Variants in TEP1 observed in about 807,000 individuals in gnomAD.
TEP1 encodes telomerase protein component 1.
TEP1 carries 241 observed loss-of-function variants against 306.3 expected under a neutral mutation model. The observed-to-expected ratio is 0.79, with a 90% confidence interval of 0.71 to 0.88. The LOEUF (loss-of-function observed/expected upper bound fraction) is 0.88, where lower values mean the gene tolerates loss of function less well. Among genes scored for constraint, TEP1 ranks in the 40% least tolerant of loss-of-function variants. TEP1 has a pLI of 0.00. For missense variants in TEP1, 3,051 were observed against 3,276.1 expected, an observed-to-expected ratio of 0.93 and a Z score of 1.68; for synonymous variants, 1,289 against 1,305.5, an observed-to-expected ratio of 0.99 and a Z score of 0.27.
At chr14:20,392,801 A>T (rs540527311) in intron 12 of TEP1, among the ~76,000 whole-genome samples, 10 of 152,370 alleles carry the variant, frequency 6.6e-5, no homozygotes, top group African/African-American at 2.4e-4. Context: ...CTCATTGTAT[A>T]AAAAATGTCC....
Position 20,385,108 on chromosome 14 carries a change from G to A in TEP1, c.2984C>T (p.Ala995Val), listed in dbSNP as rs773778382. ...NLPDHPHFHWAQQYPSGRSVT... is the reference protein window; with the variant it reads ...NLPDHPHFHWVQQYPSGRSVT... ...AGAGCGCCCTGAAGGGTACTGCTGGGCCTGCGGGGAGGACAGAGACAGTGA... is the reference window on the plus strand; with the variant it reads ...AGAGCGCCCTGAAGGGTACTGCTGGACCTGCGGGGAGGACAGAGACAGTGA... Residue 995 changes from alanine (A) to valine (V), a missense_variant and splice_region_variant, in exon 21 of 55, where the codon GCC (alanine) becomes GTC (valine). Physicochemically the swap from Ala to Val is moderately conservative, Grantham distance 64. Transcript: ENST00000262715. 26 of 1,613,896 alleles carry A rather than the reference G, an allele frequency of 1.6e-5. No individual in the cohort carries two copies. Among genetic ancestry groups the A allele is most frequent in the Non-Finnish European group, 2.1e-5 (25 of 1,179,932 alleles).
In TEP1 at chr14:20,386,452, C is replaced by A. The variant is rs1468314368; in HGVS notation, c.2856G>T (p.Arg952Ser). 1 of 1,602,336 alleles carries A rather than the reference C, an allele frequency of 6.2e-7. No individual in the cohort carries two copies. Among genetic ancestry groups the A allele is most frequent in the East Asian group, 2.2e-5 (1 of 44,630 alleles). The change falls in exon 19 of 55, where the codon AGG becomes AGT. Residue 952 changes from arginine to serine, a missense_variant. By Grantham distance (110) the Arg-to-Ser change is moderately radical (BLOSUM62 -1). This residue lies in a region of TEP1 where 1,507 missense variants were observed against 1,550.5 expected (regional missense o/e 0.97). Coordinates refer to ENST00000262715, the MANE Select transcript of TEP1 (RefSeq NM_007110.5). ...RWGVTEEETRRNRQLEVCLGE... is the reference protein window; with the variant it reads ...RWGVTEEETRSNRQLEVCLGE... Reference sequence around the variant, plus strand: ...CTTCTCTGCAGCCCCCACACCTGTTCCTACGGGTCTCCTCCTCAGTGACGC... The same window carrying A: ...CTTCTCTGCAGCCCCCACACCTGTTACTACGGGTCTCCTCCTCAGTGACGC...
chr14:20,407,223 C>T (rs1238723096), intron 2 of TEP1, among the ~76,000 whole-genome samples: 1 of 152,208 alleles, frequency 6.6e-6, no homozygotes, highest in Non-Finnish European at 1.5e-5. Flanking sequence ...CCTGATAGGG[C>T]TGTTGGAAAA....
At chr14:20,411,303 T>G (rs1236654538) in intron 1 of TEP1, among the ~76,000 whole-genome samples, 1 of 152,200 alleles carries the variant, frequency 6.6e-6, no homozygotes, top group East Asian at 1.9e-4. Context: ...TTTATTTAGC[T>G]TATTAATTGC....
intron 18 of TEP1, among the ~76,000 whole-genome samples, chr14:20,387,654 C>A (rs1877317900): frequency 6.6e-6 from 1 of 152,242 alleles, no homozygotes; most frequent in Non-Finnish European, 1.5e-5. Context: ...TCTGCCTACG[C>A]CCTGGCCATA....
At chr14:20,403,139 C>T (rs1878886951) in intron 7 of TEP1, among the ~76,000 whole-genome samples, 1 of 132,414 alleles carries the variant, frequency 7.6e-6, no homozygotes, top group Admixed American at 8.7e-5. Context: ...CAGCCTGGGC[C>T]ACAGTGCATA....
chr14:20,366,658 T>C lies in TEP1; in HGVS notation c.*1779A>G, dbSNP rs1760910. On this transcript the variant is annotated 3_prime_UTR_variant, in exon 55 of 55. Coordinates refer to ENST00000262715, the MANE Select transcript of TEP1 (RefSeq NM_007110.5). Reference sequence around the variant, plus strand: ...ACCTGGAATCAGGGTACAGTGAGAGTAAAACTCAGTGCCCTTTAACTCCCC... The same window carrying C: ...ACCTGGAATCAGGGTACAGTGAGAGCAAAACTCAGTGCCCTTTAACTCCCC... 151,355 of 152,260 alleles carry C rather than the reference T, an allele frequency of 0.99. 75,232 individuals carry two copies. The highest frequency in any genetic ancestry group is 1 in the East Asian group (5,174 of 5,174). 9.4% of individuals were successfully genotyped at this position (152,260 alleles called of 1,614,324 possible). A position where few individuals can be genotyped will look rare whatever the true frequency, so the allele number is the denominator to read the frequency against.
chr14:20,380,406 C>T lies in TEP1; in HGVS notation c.4832G>A (p.Arg1611Lys), dbSNP rs756196263. 52 of 1,614,010 alleles carry T rather than the reference C, an allele frequency of 3.2e-5. No homozygotes were observed. Among genetic ancestry groups the T allele is most frequent in the Non-Finnish European group, 4.1e-5 (48 of 1,180,040 alleles). ...CTGGCTGAGGATTGAAGCCTGCTGC[C>T]TCAGGAAGGTGCGAAACACTGCAAC... ...ADVAVFRTFL[R>K]QQASILSQYP... Residue 1611 changes from arginine to lysine, a missense_variant, in exon 34 of 55, where the codon AGG becomes AAG. By Grantham distance (26) the Arg-to-Lys change is conservative. Transcript: ENST00000262715.
intron 5 of TEP1, 124 bp from the exon 6 acceptor site, chr14:20,404,008 C>T: frequency 7.8e-7 from 1 of 1,285,810 alleles, no homozygotes; most frequent in South Asian, 1.4e-5. Flanking sequence ...AGCCCTAGCT[C>T]CAAAATCACA....
chr14:20,370,481 GAAT>G (rs1388302150), intron 51 of TEP1, among the ~76,000 whole-genome samples: 9 of 152,188 alleles, frequency 5.9e-5, no homozygotes, highest in African/African-American at 2.2e-4. Context: ...CCTTTGCCCA[GAAT>G]AATGTCTACG....
chr14:20,371,170 T>A (rs1215099480), intron 51 of TEP1, 48 bp downstream of exon 51: 1 of 1,543,234 alleles, frequency 6.5e-7, no homozygotes, highest in Admixed American at 1.7e-5. Context: ...GTAAAAACAC[T>A]GGTCCTAGAC....
chr14:20,377,061 T>C (rs1020404002), intron 41 of TEP1, among the ~76,000 whole-genome samples: 1 of 151,462 alleles, frequency 6.6e-6, no homozygotes. Flanking sequence ...ACTAAAAATA[T>C]AAAATTAGCC....
rs1566458511 is a variant in TEP1, at chr14:20,384,494, C to CA, written c.3235dup (p.Trp1079LeufsTer50). The CA allele has an allele frequency of 3.7e-6, 6 of 1,614,154 alleles. No individual in the cohort carries two copies. The highest frequency in any genetic ancestry group is 4.5e-5 in the East Asian group (2 of 44,882). On this transcript the variant is annotated frameshift_variant, in exon 23 of 55. Coordinates refer to ENST00000262715, the MANE Select transcript of TEP1 (RefSeq NM_007110.5). LOFTEE classifies it high-confidence loss of function. ...GGGCCGGCCAGCTGCCACACCCCCCCACTCACAGGGGTATCTGTGGGCAAA... is the reference window on the plus strand; with the variant it reads ...GGGCCGGCCAGCTGCCACACCCCCCCAACTCACAGGGGTATCTGTGGGCAAA...
chr14:20,385,971 T>A lies in TEP1; in HGVS notation c.2982+104A>T, dbSNP rs1594345837. 4 of 1,453,034 alleles carry A rather than the reference T, an allele frequency of 2.8e-6. No individual in the cohort carries two copies. The East Asian group carries it at 1.0e-4, about 36-fold the overall frequency. 90.0% of individuals were successfully genotyped at this position (1,453,034 alleles called of 1,614,324 possible). A position where few individuals can be genotyped will look rare whatever the true frequency, so the allele number is the denominator to read the frequency against. Reference sequence around the variant, plus strand: ...TATTTCACTTCAAGTCTCAAGGACCTGCCTGTTCATAGTTGCAGGGTTTCT... The same window carrying A: ...TATTTCACTTCAAGTCTCAAGGACCAGCCTGTTCATAGTTGCAGGGTTTCT... On this transcript the variant is annotated intron_variant, in intron 20 of 54. Coordinates refer to ENST00000262715, the MANE Select transcript of TEP1 (RefSeq NM_007110.5).
At chr14:20,376,519 C>T (rs1377326863) in intron 41 of TEP1, among the ~76,000 whole-genome samples, 1 of 152,244 alleles carries the variant, frequency 6.6e-6, no homozygotes, top group Non-Finnish European at 1.5e-5. Context: ...AGTTCCTTGT[C>T]TCTGCTTCTC....
chr14:20,370,281 C>T (rs764461689), intron 51 of TEP1, among the ~76,000 whole-genome samples: 3 of 152,288 alleles, frequency 2.0e-5, no homozygotes, highest in Non-Finnish European at 2.9e-5. Context: ...TGCAGTCACC[C>T]GACAGATCAA....
intron 2 of TEP1, 72 bp from the exon 3 acceptor site, chr14:20,406,472 C>T: frequency 2.6e-6 from 4 of 1,519,088 alleles, no homozygotes; most frequent in Non-Finnish European, 3.6e-6. Context: ...GATCTGAAGG[C>T]AGCACCAGGC....
chr14:20,403,965 T>C (rs1407231683), intron 5 of TEP1, 81 bp from the exon 6 acceptor site: 1 of 1,579,148 alleles, frequency 6.3e-7, no homozygotes, highest in Non-Finnish European at 8.6e-7. Flanking sequence ...TTCATGGAGA[T>C]ACACGAGAGC....
Position 20,380,385 on chromosome 14 carries a change from C to G in TEP1, c.4853G>C (p.Ser1618Thr), listed in dbSNP as rs776620098. The G allele has an allele frequency of 1.4e-5, 23 of 1,614,074 alleles. No individual in the cohort carries two copies. The highest frequency in any genetic ancestry group is 1.8e-5 in the Non-Finnish European group (21 of 1,180,040). The change falls in exon 34 of 55, where the codon AGC (serine) becomes ACC (threonine). Residue 1618 changes from serine (S) to threonine (T), a missense_variant. By Grantham distance (58) the Ser-to-Thr change is moderately conservative. Coordinates refer to ENST00000262715, the MANE Select transcript of TEP1 (RefSeq NM_007110.5). ...CTGGGGCAGGAGCCGGGGGTACTGGCTGAGGATTGAAGCCTGCTGCCTCAG... is the reference window on the plus strand; with the variant it reads ...CTGGGGCAGGAGCCGGGGGTACTGGGTGAGGATTGAAGCCTGCTGCCTCAG... ...TFLRQQASIL[S>T]QYPRLLPQQA... is the part of the protein sequence containing the mutation.
Sources: allele counts gnomAD v4.1 joint callset (sites outside exome capture counted in the v4.1 genomes callset), GRCh38; gene constraint gnomAD v4.1.1; regional missense constraint gnomAD v4.1.1; transcripts MANE v1.5; gene names NCBI Gene and HGNC (gene_info 2026-07-23, HGNC 2026-07-21).